The following ZBBX variants were observed in gnomAD, a reference collection of about 807,000 sequenced individuals.
ZBBX encodes the protein zinc finger B-box domain-containing protein 1.
A neutral mutation model predicts 108.5 loss-of-function variants in ZBBX; 101 were observed. The ratio of observed to expected loss-of-function variants is 0.93; its 90% CI spans 0.79 to 1.10. The LOEUF is 1.10. Ranked by LOEUF, ZBBX falls within the 50% of genes least tolerant of loss-of-function variation. The probability of loss-of-function intolerance (pLI) is 0.00; values close to 1 mark genes in which losing one functional copy is unlikely to be tolerated. For synonymous variants in ZBBX, 356 were observed against 323.4 expected, an observed-to-expected ratio of 1.10 and a Z score of -1.08; for missense variants, 1,009 against 941.4, an observed-to-expected ratio of 1.07 and a Z score of -0.94.
intron 19 of ZBBX, among the ~76,000 whole-genome samples, 169 bp downstream of exon 19, chr3:167,288,698 T>C (rs1038600937): frequency 6.6e-6 from 1 of 152,248 alleles, no homozygotes; most frequent in African/African-American, 2.4e-5. Context: ...CACTTGTTTT[T>C]ATGCTTTGGT....
intron 20 of ZBBX, among the ~76,000 whole-genome samples, chr3:167,265,756 G>C (rs1298158777): frequency 6.6e-6 from 1 of 152,226 alleles, no homozygotes; most frequent in Non-Finnish European, 1.5e-5. Context: ...AGGAAGTCAA[G>C]TTCTGACCGC....
At chr3:167,179,906 G>T in the ZBBX span, among the ~76,000 whole-genome samples, 2 of 152,190 alleles carry the variant, frequency 1.3e-5, no homozygotes, top group Non-Finnish European at 2.9e-5. Context: ...AAATGGGTTT[G>T]CCAAGTAAGA....
intron 12 of ZBBX, among the ~76,000 whole-genome samples, chr3:167,320,468 A>T (rs1215639918): frequency 6.6e-6 from 1 of 152,028 alleles, no homozygotes; most frequent in African/African-American, 2.4e-5. Context: ...CAACTAATAA[A>T]TTTAGAAGGA....
chr3:167,289,759 GGGTGAAGCCAGGGA>G (rs946344251), intron 18 of ZBBX, among the ~76,000 whole-genome samples: 6 of 152,100 alleles, frequency 3.9e-5, no homozygotes, highest in African/African-American at 1.4e-4. Flanking sequence ...GAAGCCAGGG[GGGTGAAGCCAGGGA>G]GCCAAGTGGT....
chr3:167,320,822 A>T (rs1240809983), intron 12 of ZBBX, among the ~76,000 whole-genome samples: 1 of 152,028 alleles, frequency 6.6e-6, no homozygotes, highest in African/African-American at 2.4e-5. Context: ...ATGAAAAAAC[A>T]TCAGACAAGC....
intron 19 of ZBBX, among the ~76,000 whole-genome samples, chr3:167,286,308 G>A (rs975867343): frequency 6.6e-6 from 1 of 152,122 alleles, no homozygotes; most frequent in African/African-American, 2.4e-5. Context: ...CCAAGGTGTT[G>A]CTGTGTGATA....
downstream of ZBBX, among the ~76,000 whole-genome samples, chr3:167,234,853 C>A (rs1408851126): frequency 6.6e-6 from 1 of 151,706 alleles, no homozygotes; most frequent in Non-Finnish European, 1.5e-5. Flanking sequence ...AAATTCTAGC[C>A]AATAAGATGC....
chr3:167,341,361 T>C (rs1014104366), intron 9 of ZBBX, among the ~76,000 whole-genome samples: 1 of 151,862 alleles, frequency 6.6e-6, no homozygotes, highest in Admixed American at 6.6e-5. Context: ...TTTAGTACTT[T>C]ATAAAATAAC....
the ZBBX span, among the ~76,000 whole-genome samples, chr3:167,225,244 G>T: frequency 6.6e-6 from 1 of 151,832 alleles, no homozygotes; most frequent in South Asian, 2.1e-4. Flanking sequence ...CTGCTGCCAT[G>T]AGTTATTTTC....
chr3:167,368,212 G>T (rs1198008889), intron 5 of ZBBX, among the ~76,000 whole-genome samples: 1 of 151,326 alleles, frequency 6.6e-6, no homozygotes, highest in Non-Finnish European at 1.5e-5. Flanking sequence ...AAATAAAAAG[G>T]AAATAAGAAA....
chr3:167,293,267 A>C (rs1364791775), intron 18 of ZBBX, among the ~76,000 whole-genome samples: 1 of 152,202 alleles, frequency 6.6e-6, no homozygotes, highest in African/African-American at 2.4e-5. Flanking sequence ...TTTCAGGCCA[A>C]TATCCCTGAT....
At chr3:167,198,035 G>T in the ZBBX span, among the ~76,000 whole-genome samples, 10 of 152,244 alleles carry the variant, frequency 6.6e-5, no homozygotes, top group African/African-American at 2.4e-4. Context: ...ATTATTTCCA[G>T]GATTCATTCC....
At chr3:167,390,368 CT>C (rs1748050268) in intron 1 of ZBBX, among the ~76,000 whole-genome samples, 1 of 151,998 alleles carries the variant, frequency 6.6e-6, no homozygotes, top group African/African-American at 2.4e-5. Context: ...TTACCATAGC[CT>C]TTGTAGTATA....
chr3:167,207,614 G>A, the ZBBX span, among the ~76,000 whole-genome samples: 1 of 152,164 alleles, frequency 6.6e-6, no homozygotes, highest in South Asian at 2.1e-4. Context: ...AACATGGATG[G>A]AACTGGAAGT....
chr3:167,305,925 G>T lies in ZBBX; in HGVS notation c.1443C>A (p.Asp481Glu), dbSNP rs200399604. The T allele has an allele frequency of 1.7e-5, 27 of 1,555,940 alleles. No homozygotes were observed. The African/African-American group carries it at 3.6e-4, about 21-fold the overall frequency. ...AATACACATCAGGATCCACGATGTT[G>T]TCAAAATCTGTGTTTGAAGTTTCTG... ...SKAETSNTDF[D>E]NIVDPDVYSS... is the part of the protein sequence containing the mutation. The change falls in exon 17 of 22, where the codon GAC (aspartate) becomes GAA (glutamate). Residue 481 changes from aspartate to glutamate, a missense_variant. Transcript: ENST00000675490.
intron 1 of ZBBX, among the ~76,000 whole-genome samples, chr3:167,397,281 T>C (rs1352787912): frequency 6.6e-6 from 1 of 151,806 alleles, no homozygotes; most frequent in Admixed American, 6.6e-5. Context: ...TGCTACGTTT[T>C]GTTTGAATGA....
At chr3:167,217,922 G>A in the ZBBX span, among the ~76,000 whole-genome samples, 3 of 143,632 alleles carry the variant, frequency 2.1e-5, no homozygotes, top group Non-Finnish European at 4.5e-5. Context: ...ATAGAGTCTC[G>A]CTCTGTCGCC....
Position 167,333,915 on chromosome 3 carries a change from T to G in ZBBX, c.599A>C (p.Glu200Ala). 3 of 1,612,526 alleles carry G rather than the reference T, an allele frequency of 1.9e-6. No homozygotes were observed. The highest frequency in any genetic ancestry group is 2.5e-6 in the Non-Finnish European group (3 of 1,179,090). The change falls in exon 10 of 22, where the codon GAA becomes GCA. Residue 200 changes from glutamate (E) to alanine (A), a missense_variant. Transcript: ENST00000675490. The stretch of plus-strand genomic sequence containing the variant: ...TGTAGAATTATTCTCCTCTTTGGGT[T>G]CATCTGGATTAACATCCTTTATAAA... ...HQFIKDVNPD[E>A]PKEENNSTKE...
chr3:167,230,353 T>A, the ZBBX span, among the ~76,000 whole-genome samples: 1 of 151,812 alleles, frequency 6.6e-6, no homozygotes, highest in African/African-American at 2.4e-5. Flanking sequence ...AGTGACATAG[T>A]TATTAATGAG....
Sources: allele counts gnomAD v4.1 joint callset (sites outside exome capture counted in the v4.1 genomes callset), GRCh38; gene constraint gnomAD v4.1.1; transcripts MANE v1.5; gene names NCBI Gene and HGNC (gene_info 2026-07-23, HGNC 2026-07-21).